Variants in GRIA2 observed in about 807,000 individuals in gnomAD.
GRIA2 encodes glutamate ionotropic receptor AMPA type subunit 2, also known as glutamate receptor 2.
GRIA2 carries 14 observed loss-of-function variants against 97.3 expected under a neutral mutation model. The observed-to-expected ratio is 0.14, with a 90% CI of 0.10 to 0.23. The LOEUF (loss-of-function observed/expected upper bound fraction) is 0.23. Among genes scored for constraint, GRIA2 ranks in the 10% least tolerant of loss-of-function variants. GRIA2 has a pLI of 1.00. For synonymous variants in GRIA2, 412 were observed against 387.8 expected, an observed-to-expected ratio of 1.06 and a Z score of -0.73; for missense variants, 558 against 1,069.8, an observed-to-expected ratio of 0.52 and a Z score of 6.67.
At chr4:157,238,685 A>G (rs962453505) in intron 2 of GRIA2, among the ~76,000 whole-genome samples, 5 of 152,012 alleles carry the variant, frequency 3.3e-5, no homozygotes, top group African/African-American at 2.4e-5. Context: ...TTTCTTTTGC[A>G]TATGTATTTT....
intron 2 of GRIA2, among the ~76,000 whole-genome samples, chr4:157,297,312 A>G (rs988878016): frequency 2.0e-4 from 31 of 152,156 alleles, no homozygotes; most frequent in African/African-American, 7.5e-4. Context: ...ATTTCAACAC[A>G]TAAGCACTTG....
chr4:157,347,177 T>C (rs967899964), intron 12 of GRIA2, among the ~76,000 whole-genome samples: 4 of 152,146 alleles, frequency 2.6e-5, no homozygotes, highest in African/African-American at 9.7e-5. Context: ...TAATGAATCA[T>C]GTGTTTTTGG....
chr4:157,360,250 C>A (rs1468939287), intron 13 of GRIA2, 107 bp downstream of exon 13: 14 of 1,132,034 alleles, frequency 1.2e-5, no homozygotes, highest in Admixed American at 2.5e-5. Context: ...TGAGGTAACT[C>A]ACCATCACAA....
rs755288675 is a variant in GRIA2 at position 157,333,246 on chromosome 4, T to C, written c.1051-3T>C. Reference sequence around the variant, plus strand: ...CTCTGCTGCTTTCCCATTTCTTCATTAGGTTCAGGTTGAAGGTCTCTCAGG... The same window carrying C: ...CTCTGCTGCTTTCCCATTTCTTCATCAGGTTCAGGTTGAAGGTCTCTCAGG... On this transcript the variant is annotated splice_polypyrimidine_tract_variant and splice_region_variant and intron_variant, in intron 7 of 15. Coordinates refer to ENST00000264426, the MANE Select transcript of GRIA2 (RefSeq NM_001083619.3). 6.6e-7 allele frequency: 1 copy of C among 1,506,326 alleles called. No homozygotes were observed. Among genetic ancestry groups the C allele is most frequent in the Admixed American group, 1.8e-5 (1 of 55,886 alleles). 93.3% of individuals were successfully genotyped at this position (1,506,326 alleles called of 1,614,324 possible). A position where few individuals can be genotyped will look rare whatever the true frequency, so the allele number is the denominator to read the frequency against.
At chr4:157,227,628 T>C (rs535072303) in intron 2 of GRIA2, among the ~76,000 whole-genome samples, 4 of 152,366 alleles carry the variant, frequency 2.6e-5, no homozygotes, top group African/African-American at 9.6e-5. Flanking sequence ...TTGTATTTGA[T>C]GTAAATATTT....
At chr4:157,226,586 G>T (rs893465189) in intron 2 of GRIA2, among the ~76,000 whole-genome samples, 1 of 152,000 alleles carries the variant, frequency 6.6e-6, no homozygotes, top group Non-Finnish European at 1.5e-5. Flanking sequence ...AAATTACTGA[G>T]ATTTTTGTAT....
intron 4 of GRIA2, 73 bp from the exon 5 acceptor site, chr4:157,317,585 A>C (rs1325944206): frequency 3.4e-6 from 2 of 581,860 alleles, no homozygotes; most frequent in Admixed American, 2.8e-5. Flanking sequence ...TCCCTGAATC[A>C]GATCATAATA....
rs181254284 is a variant in GRIA2, at chr4:157,327,165, G to T, written c.882+5566G>T. Reference sequence around the variant, plus strand: ...TGGGTTAGAAATAAGCCTTTCAAAGGAAATCTGGCTCATTTGTATCTTATT... The same window carrying T: ...TGGGTTAGAAATAAGCCTTTCAAAGTAAATCTGGCTCATTTGTATCTTATT... On this transcript the variant is annotated intron_variant, in intron 6 of 15. Coordinates refer to ENST00000264426, the MANE Select transcript of GRIA2 (RefSeq NM_001083619.3). 6.9e-4 allele frequency among the ~76,000 whole-genome samples: 105 copies of T among 152,232 alleles called. 1 individual carries two copies. In the East Asian group the frequency reaches 0.013, roughly 19 times the overall value.
At chr4:157,326,780 T>C (rs977404083) in intron 6 of GRIA2, among the ~76,000 whole-genome samples, 4 of 152,182 alleles carry the variant, frequency 2.6e-5, no homozygotes, top group Non-Finnish European at 4.4e-5. Context: ...CTGTGTATGA[T>C]CCAGAAGTTT....
chr4:157,360,268 C>CA, intron 13 of GRIA2, 125 bp downstream of exon 13: 2 of 883,994 alleles, frequency 2.3e-6, no homozygotes, highest in Non-Finnish European at 3.4e-6. Context: ...CAAAAATGAC[C>CA]AAAAAACGTT....
chr4:157,229,598 T>C (rs1466322479), intron 2 of GRIA2, among the ~76,000 whole-genome samples: 1 of 152,200 alleles, frequency 6.6e-6, no homozygotes, highest in Non-Finnish European at 1.5e-5. Flanking sequence ...TGTTTATAGT[T>C]TTACTATTTG....
intron 2 of GRIA2, among the ~76,000 whole-genome samples, chr4:157,231,833 A>C (rs1730033189): frequency 6.6e-6 from 1 of 152,192 alleles, no homozygotes; most frequent in Non-Finnish European, 1.5e-5. Flanking sequence ...ATTTTTTAAA[A>C]AAATTAAAAT....
intron 1 of GRIA2, 185 bp from the exon 2 acceptor site, chr4:157,221,480 CAT>C: frequency 1.6e-6 from 1 of 624,300 alleles, no homozygotes; most frequent in Non-Finnish European, 2.8e-6. Context: ...TTCAGACTCT[CAT>C]CTGGGTCTTG....
At chr4:157,333,380 T>G (rs1194264969) in intron 8 of GRIA2, 27 bp downstream of exon 8, 2 of 1,264,032 alleles carry the variant, frequency 1.6e-6, no homozygotes, top group Non-Finnish European at 2.3e-6. Flanking sequence ...TTAAAGGCAG[T>G]TCTATGTGAG....
In GRIA2 at chr4:157,333,366, T is replaced by TG. The variant is rs1560770710; in HGVS notation, c.1155+14dup. ...TGGGCCCCGGAAGGTAAATCCTTAG[T>TG]GATTTAAAGGCAGTTCTATGTGAGG... On this transcript the variant is annotated intron_variant, in intron 8 of 15. Transcript: ENST00000264426. 1 of 1,415,128 alleles carries TG rather than the reference T, an allele frequency of 7.1e-7. No homozygotes were observed. The highest frequency in any genetic ancestry group is 2.3e-5 in the East Asian group (1 of 43,526). 87.7% of individuals were successfully genotyped at this position (1,415,128 alleles called of 1,614,324 possible).
chr4:157,271,195 C>T (rs1256738381), intron 2 of GRIA2, among the ~76,000 whole-genome samples: 1 of 151,886 alleles, frequency 6.6e-6, no homozygotes, highest in African/African-American at 2.4e-5. Context: ...GTGGGGTTTC[C>T]CTACACACCA....
chr4:157,353,549 G>A (rs1428303251), intron 12 of GRIA2, among the ~76,000 whole-genome samples: 5 of 151,636 alleles, frequency 3.3e-5, no homozygotes, highest in South Asian at 2.1e-4. Flanking sequence ...GGTGGTGGGC[G>A]CCTGTAGTCC....
chr4:157,279,652 A>G (rs1732506095), intron 2 of GRIA2, among the ~76,000 whole-genome samples: 1 of 152,136 alleles, frequency 6.6e-6, no homozygotes, highest in African/African-American at 2.4e-5. Flanking sequence ...ATTGAAATTT[A>G]CCCAGGTAGT....
chr4:157,348,297 G>C (rs1365243058), intron 12 of GRIA2, among the ~76,000 whole-genome samples: 1 of 152,038 alleles, frequency 6.6e-6, no homozygotes, highest in South Asian at 2.1e-4. Flanking sequence ...TGTCACCCAG[G>C]CTGCAGTGCA....
Sources: allele counts gnomAD v4.1 joint callset (sites outside exome capture counted in the v4.1 genomes callset), GRCh38; gene constraint gnomAD v4.1.1; transcripts MANE v1.5; gene names NCBI Gene and HGNC (gene_info 2026-07-23, HGNC 2026-07-21).